Variants in CACNB4 observed in about 807,000 individuals in gnomAD.
CACNB4 encodes calcium voltage-gated channel auxiliary subunit beta 4.
A neutral mutation model predicts 71.2 loss-of-function variants in CACNB4; 32 were observed. The observed-to-expected ratio is 0.45, with a 90% CI of 0.34 to 0.60. CACNB4 has a LOEUF of 0.60. Among genes scored for constraint, CACNB4 ranks in the 20% least tolerant of loss-of-function variants. The pLI is 0.01. For missense variants in CACNB4, 464 were observed against 647.9 expected (o/e 0.72, Z 3.08); for synonymous variants, 231 against 236.9 (o/e 0.97, Z 0.23).
intron 2 of CACNB4, among the ~76,000 whole-genome samples, chr2:152,001,199 G>A (rs575041548): frequency 6.6e-6 from 1 of 152,228 alleles, no homozygotes; most frequent in Admixed American, 6.5e-5. Context: ...CTTAACCACA[G>A]CCTCCTGCCT....
intron 2 of CACNB4, among the ~76,000 whole-genome samples, chr2:152,066,003 A>T (rs1686297324): frequency 6.6e-6 from 1 of 152,256 alleles, no homozygotes; most frequent in Non-Finnish European, 1.5e-5. Flanking sequence ...AGAAAAGTGG[A>T]TACATTTAGT....
chr2:151,901,643 G>A (rs1002313266), intron 2 of CACNB4, among the ~76,000 whole-genome samples: 4 of 152,160 alleles, frequency 2.6e-5, no homozygotes, highest in Middle Eastern at 3.2e-3. Flanking sequence ...TGTGCATTCC[G>A]TTTTGAAAAT....
At chr2:152,063,297 C>T (rs1686120489) in intron 2 of CACNB4, among the ~76,000 whole-genome samples, 2 of 152,300 alleles carry the variant, frequency 1.3e-5, no homozygotes, top group South Asian at 4.1e-4. Context: ...AAGATAACAG[C>T]CAACACATAC....
At chr2:151,984,375 C>A (rs565971353) in intron 2 of CACNB4, among the ~76,000 whole-genome samples, 2 of 152,264 alleles carry the variant, frequency 1.3e-5, no homozygotes, top group African/African-American at 4.8e-5. Context: ...CTTTTCTCAA[C>A]CAGGTACCTT....
At position 151,883,298 on chromosome 2, in the gene CACNB4, G is replaced by A. The variant is rs1304491659; in HGVS notation, c.220C>T (p.Arg74Ter). The A allele has an allele frequency of 1.2e-6, 2 of 1,613,766 alleles. No individual in the cohort carries two copies. Among genetic ancestry groups the A allele is most frequent in the Non-Finnish European group, 8.5e-7 (1 of 1,179,698 alleles). The change falls in exon 3 of 14, where the codon CGA (arginine) becomes TGA (stop). Residue 74 changes from arginine (R) to a stop codon, truncating the protein, a stop_gained. Coordinates refer to ENST00000539935, the MANE Select transcript of CACNB4 (RefSeq NM_000726.5). LOFTEE classifies it high-confidence loss of function. ...GCTGCTTGCTGTTCTCTCTCCTGTCGAATTGCTTCCCGGTCCTCTTCCAAA... is the reference window on the plus strand; with the variant it reads ...GCTGCTTGCTGTTCTCTCTCCTGTCAAATTGCTTCCCGGTCCTCTTCCAAA... ...VSLEEDREAI[R>*]QEREQQAAIQ...
chr2:151,985,979 G>A (rs1207437866), intron 2 of CACNB4, among the ~76,000 whole-genome samples: 1 of 152,142 alleles, frequency 6.6e-6, no homozygotes, highest in Non-Finnish European at 1.5e-5. Flanking sequence ...AAATTCCAAA[G>A]TCGTTCTATT....
chr2:151,995,525 G>A (rs1336152486), intron 2 of CACNB4, among the ~76,000 whole-genome samples: 1 of 152,188 alleles, frequency 6.6e-6, no homozygotes, highest in Non-Finnish European at 1.5e-5. Flanking sequence ...GGCTAACACA[G>A]TGAAACCCCG....
chr2:152,001,071 G>A (rs1051235498), intron 2 of CACNB4, among the ~76,000 whole-genome samples: 4 of 152,182 alleles, frequency 2.6e-5, no homozygotes, highest in Non-Finnish European at 5.9e-5. Flanking sequence ...ACAACCCTAC[G>A]AGGCAGGTAC....
At chr2:151,875,954 C>T (rs1216088792) in intron 5 of CACNB4, among the ~76,000 whole-genome samples, 1 of 133,460 alleles carries the variant, frequency 7.5e-6, no homozygotes, top group African/African-American at 2.7e-5. Context: ...CCGGACGGGG[C>T]GGCTGGCCGG....
intron 2 of CACNB4, among the ~76,000 whole-genome samples, chr2:152,028,068 A>G (rs1684075737): frequency 6.6e-6 from 1 of 152,084 alleles, no homozygotes; most frequent in South Asian, 2.1e-4. Context: ...TCCCTTCTAC[A>G]AGGGCAATCA....
intron 2 of CACNB4, among the ~76,000 whole-genome samples, chr2:151,999,267 C>T (rs1196438666): frequency 1.3e-5 from 2 of 152,102 alleles, no homozygotes; most frequent in Non-Finnish European, 2.9e-5. Context: ...GTTTTTTGCT[C>T]TATCTTTTAA....
intron 2 of CACNB4, among the ~76,000 whole-genome samples, chr2:152,042,922 T>C (rs987655825): frequency 1.3e-5 from 2 of 152,020 alleles, no homozygotes; most frequent in Non-Finnish European, 2.9e-5. Flanking sequence ...AAAACCAAGA[T>C]GGAGAGGAGC....
intron 2 of CACNB4, among the ~76,000 whole-genome samples, chr2:151,911,630 A>C (rs570009291): frequency 6.6e-6 from 1 of 152,248 alleles, no homozygotes; most frequent in South Asian, 2.1e-4. Context: ...ATTGGCCTGA[A>C]GTCTTCTTTT....
intron 2 of CACNB4, among the ~76,000 whole-genome samples, chr2:151,988,721 C>T (rs1681518020): frequency 6.6e-6 from 1 of 152,100 alleles, no homozygotes; most frequent in Admixed American, 6.5e-5. Flanking sequence ...CTGGTTTCTC[C>T]TCTTCTTCTA....
intron 2 of CACNB4, among the ~76,000 whole-genome samples, chr2:152,021,983 T>C (rs1400517845): frequency 1.3e-5 from 2 of 152,198 alleles, no homozygotes; most frequent in Non-Finnish European, 2.9e-5. Context: ...CGTCTAATCT[T>C]TAAACATGTC....
intron 2 of CACNB4, among the ~76,000 whole-genome samples, chr2:151,897,710 C>T (rs968429376): frequency 6.6e-6 from 1 of 152,130 alleles, no homozygotes; most frequent in African/African-American, 2.4e-5. Context: ...ACTACCTGGG[C>T]TGGAATTCTA....
chr2:152,091,262 T>A (rs2105468233), intron 2 of CACNB4, among the ~76,000 whole-genome samples: 1 of 152,278 alleles, frequency 6.6e-6, no homozygotes, highest in African/African-American at 2.4e-5. Context: ...GAAGATTCAT[T>A]GCACAAAAAA....
In CACNB4 at chr2:152,098,858, G is replaced by T; in HGVS notation, c.63+91C>A. 7 of 1,127,672 alleles carry T rather than the reference G, an allele frequency of 6.2e-6. No homozygotes were observed. Among genetic ancestry groups the T allele is most frequent in the South Asian group, 4.9e-5 (3 of 61,110 alleles). The allele number at this position is 1,127,672 out of a possible 1,614,324, so 69.9% of individuals were successfully genotyped here. A position where few individuals can be genotyped will look rare whatever the true frequency, so the allele number is the denominator to read the frequency against. ...GACTCCCGGGACTGGGGCCCCGCAC[G>T]CCCGGCACGAAGGCGGGGCGCGCTA... is the stretch of plus-strand genomic sequence containing the variant. On this transcript the variant is annotated intron_variant, in intron 1 of 13. Transcript: ENST00000539935. The surrounding 1 kb of genome is among the most constrained non-coding windows in gnomAD (Gnocchi z 5.3).
rs577255407 is a variant in CACNB4, at chr2:152,003,862, C to A, written c.147+94468G>T. Among the ~76,000 whole-genome samples the A allele has an allele frequency of 6.5e-3, 987 of 151,602 alleles. 10 individuals are homozygous for A. The highest frequency in any genetic ancestry group is 0.017 in the African/African-American group (714 of 41,344). ...AAAAAAACCTTACTTTAAAAAAAAA[C>A]CAAACAAACATGGTCTCTGTCACCC... On this transcript the variant is annotated intron_variant, in intron 2 of 13. Transcript: ENST00000539935.
Sources: gnomAD v4.1 joint callset for allele counts (sites outside exome capture counted in the v4.1 genomes callset) on GRCh38, gnomAD v4.1.1 for gene constraint, Gnocchi (gnomAD v3.1) non-coding constraint, MANE v1.5 for transcripts, NCBI Gene and HGNC (gene_info 2026-07-23, HGNC 2026-07-21) for gene names.